MGAT4C: variants seen among roughly 807,000 people sequenced by gnomAD.
MGAT4C encodes alpha-1,3-mannosyl-glycoprotein 4-beta-N-acetylglucosaminyltransferase C.
A neutral mutation model predicts 40.1 loss-of-function variants in MGAT4C; 19 were observed. The observed-to-expected ratio is 0.47, with a 90% CI of 0.33 to 0.70. The LOEUF is 0.70. MGAT4C is among the 30% of genes least tolerant of loss of function. The pLI is 0.02. For missense variants in MGAT4C, 491 were observed against 563.2 expected (o/e 0.87, Z 1.30); for synonymous variants, 181 against 187.1 (o/e 0.97, Z 0.27).
chr12:86,349,305 A>G (rs1322249697), intron 3 of MGAT4C, among the ~76,000 whole-genome samples: 2 of 152,138 alleles, frequency 1.3e-5, no homozygotes, highest in Non-Finnish European at 2.9e-5. Flanking sequence ...TTTTAATCCC[A>G]TAAGGGGTGG....
chr12:86,753,854 C>T (rs1164998849), intron 1 of MGAT4C, among the ~76,000 whole-genome samples: 1 of 151,542 alleles, frequency 6.6e-6, no homozygotes, highest in African/African-American at 2.4e-5. Flanking sequence ...AAAGATTGAC[C>T]ATACTAAGTG....
At chr12:86,432,716 A>G (rs916563228) in intron 3 of MGAT4C, among the ~76,000 whole-genome samples, 1 of 152,164 alleles carries the variant, frequency 6.6e-6, no homozygotes, top group Non-Finnish European at 1.5e-5. Flanking sequence ...TGAATAAAGC[A>G]AAGAAAATTT....
intron 4 of MGAT4C, among the ~76,000 whole-genome samples, chr12:86,321,162 A>G (rs1433984181): frequency 1.3e-5 from 2 of 152,156 alleles, no homozygotes; most frequent in African/African-American, 2.4e-5. Context: ...TTTCAATTTT[A>G]TTACCCAACA....
intron 3 of MGAT4C, among the ~76,000 whole-genome samples, chr12:86,372,082 G>A (rs1215010443): frequency 6.6e-6 from 1 of 151,528 alleles, no homozygotes; most frequent in African/African-American, 2.4e-5. Context: ...TTTATGTATA[G>A]TAATCATATT....
At chr12:86,116,971 G>C (rs1395633337) in intron 1 of MGAT4C, among the ~76,000 whole-genome samples, 3 of 152,086 alleles carry the variant, frequency 2.0e-5, no homozygotes, top group Admixed American at 6.6e-5. Flanking sequence ...AGTGTGAGGA[G>C]AGAAAGTTTA....
rs959730617 is a variant in MGAT4C at position 85,959,720 on chromosome 12, T to C, written c.*19569A>G. On this transcript the variant is annotated 3_prime_UTR_variant, in exon 5 of 5. Coordinates refer to ENST00000611864, the MANE Select transcript of MGAT4C (RefSeq NM_001351288.2). Reference sequence around the variant, plus strand: ...CTTTTTTCTGCTTTTTTTTTTTTTTTATTTTCTGCTTGCTGAAATCGAGAT... The same window carrying C: ...CTTTTTTCTGCTTTTTTTTTTTTTTCATTTTCTGCTTGCTGAAATCGAGAT... 6.6e-6 allele frequency: 1 copy of C among 151,254 alleles called. No individual in the cohort carries two copies. Among genetic ancestry groups the C allele is most frequent in the Non-Finnish European group, 1.5e-5 (1 of 67,692 alleles). 9.4% of individuals were successfully genotyped at this position (151,254 alleles called of 1,614,324 possible).
chr12:86,421,950 G>A (rs1025248210), intron 3 of MGAT4C, among the ~76,000 whole-genome samples: 1 of 152,178 alleles, frequency 6.6e-6, no homozygotes, highest in Non-Finnish European at 1.5e-5. Flanking sequence ...ATTCTGAAGA[G>A]TTATTCTCAA....
intron 2 of MGAT4C, among the ~76,000 whole-genome samples, chr12:86,558,606 A>G (rs1039298544): frequency 4.6e-5 from 7 of 152,068 alleles, no homozygotes; most frequent in Non-Finnish European, 7.4e-5. Context: ...CAAAAACAGA[A>G]AAGTCATCAT....
intron 1 of MGAT4C, among the ~76,000 whole-genome samples, chr12:86,064,987 T>C (rs774446478): frequency 1.3e-5 from 2 of 152,114 alleles, no homozygotes; most frequent in Non-Finnish European, 2.9e-5. Context: ...CCTGGACACA[T>C]ACACCCTCCC....
chr12:86,348,394 T>C (rs1022506594), intron 3 of MGAT4C, among the ~76,000 whole-genome samples: 6 of 152,288 alleles, frequency 3.9e-5, no homozygotes, highest in South Asian at 4.1e-4. Flanking sequence ...TCTAGGCCTG[T>C]TACCTAGTTG....
At chr12:86,810,459 A>G (rs1566005861) in intron 1 of MGAT4C, among the ~76,000 whole-genome samples, 1 of 151,948 alleles carries the variant, frequency 6.6e-6, no homozygotes. Flanking sequence ...GAATTATATC[A>G]GTTATAAGCT....
intron 2 of MGAT4C, among the ~76,000 whole-genome samples, chr12:86,544,890 A>G (rs1044500058): frequency 6.6e-6 from 1 of 152,098 alleles, no homozygotes; most frequent in African/African-American, 2.4e-5. Context: ...TATGAAATGA[A>G]AAAAAGATAA....
chr12:86,080,671 T>C (rs1870669631), intron 1 of MGAT4C, among the ~76,000 whole-genome samples: 1 of 152,092 alleles, frequency 6.6e-6, no homozygotes, highest in African/African-American at 2.4e-5. Context: ...GAGTTTCATG[T>C]CTAGTGCTGT....
At chr12:86,319,700 G>C (rs1954332814) in intron 4 of MGAT4C, among the ~76,000 whole-genome samples, 2 of 152,096 alleles carry the variant, frequency 1.3e-5, no homozygotes, top group Admixed American at 1.3e-4. Context: ...TTAAGTAAGT[G>C]AATGTATGAA....
At chr12:86,785,919 C>A (rs75554045) in intron 1 of MGAT4C, among the ~76,000 whole-genome samples, 16 of 151,996 alleles carry the variant, frequency 1.1e-4, no homozygotes, top group South Asian at 6.2e-4. Flanking sequence ...AAGTAAAAAA[C>A]CAGTATGCAA....
chr12:86,683,789 GTCC>G (rs1950024255), intron 2 of MGAT4C, among the ~76,000 whole-genome samples: 1 of 151,986 alleles, frequency 6.6e-6, no homozygotes, highest in Non-Finnish European at 1.5e-5. Context: ...AAACGTTTGT[GTCC>G]TCAACAGATC....
intron 2 of MGAT4C, among the ~76,000 whole-genome samples, chr12:86,533,306 C>T (rs921200285): frequency 1.3e-5 from 2 of 152,026 alleles, no homozygotes; most frequent in Non-Finnish European, 2.9e-5. Context: ...ATCTCAGAAA[C>T]GTTGTCACCC....
intron 1 of MGAT4C, among the ~76,000 whole-genome samples, chr12:86,228,215 A>G (rs1365654534): frequency 6.6e-6 from 1 of 151,844 alleles, no homozygotes; most frequent in African/African-American, 2.4e-5. Context: ...TAGACCAAAA[A>G]AAGAAAATAA....
chr12:86,362,429 A>G (rs973027403), intron 3 of MGAT4C, among the ~76,000 whole-genome samples: 2 of 152,178 alleles, frequency 1.3e-5, no homozygotes, highest in African/African-American at 2.4e-5. Flanking sequence ...TGGCACATAT[A>G]TGTAGATGTA....
Sources: gnomAD v4.1 joint callset for allele counts (sites outside exome capture counted in the v4.1 genomes callset) on GRCh38, gnomAD v4.1.1 for gene constraint, MANE v1.5 for transcripts, NCBI Gene and HGNC (gene_info 2026-07-23, HGNC 2026-07-21) for gene names.